Variants in ANO4 observed in about 807,000 individuals in gnomAD.
ANO4 encodes anoctamin 4, also known as anoctamin-4.
In ANO4, 69 loss-of-function variants were observed where a neutral mutation model predicts 141.9. The observed-to-expected ratio is 0.49, with a 90% CI of 0.40 to 0.59. The LOEUF (loss-of-function observed/expected upper bound fraction) is 0.59, where lower values mean the gene tolerates loss of function less well. Ranked by LOEUF, ANO4 falls within the 20% of genes least tolerant of loss-of-function variation. The pLI, the probability that ANO4 is intolerant of heterozygous loss-of-function variation, is 0.00. For synonymous variants in ANO4, 350 were observed against 394.3 expected (o/e 0.89, Z 1.33); for missense variants, 894 against 1,162.2 (o/e 0.77, Z 3.36).
At position 100,887,598 on chromosome 12, in the gene ANO4, T is replaced by C. The variant is rs149539080; in HGVS notation, c.-140-14048T>C. Among the ~76,000 whole-genome samples, 5 of 152,300 alleles carry C rather than the reference T, an allele frequency of 3.3e-5. No individual in the cohort carries two copies. The East Asian group carries it at 9.6e-4, about 29-fold the overall frequency. The stretch of plus-strand genomic sequence containing the variant: ...GAAGTGCATTAGCTGTCCTTGCCTT[T>C]GCTGCTTTAGTACTGGGGAATGCCT... On this transcript the variant is annotated intron_variant, in intron 1 of 27. Coordinates refer to ENST00000392977, the MANE Select transcript of ANO4 (RefSeq NM_001286615.2).
intron 1 of ANO4, among the ~76,000 whole-genome samples, chr12:100,853,681 A>T (rs1311158221): frequency 6.6e-6 from 1 of 152,102 alleles, no homozygotes; most frequent in Non-Finnish European, 1.5e-5. Context: ...TACTTTAGAA[A>T]TTACAGCATA....
At chr12:101,019,931 C>G (rs2046456033) in intron 8 of ANO4, 103 bp from the exon 9 acceptor site, 2 of 858,020 alleles carry the variant, frequency 2.3e-6, no homozygotes, top group Non-Finnish European at 3.9e-6. Context: ...CTGTCTATGA[C>G]TGACTGAAGA....
At chr12:100,924,148 T>C (rs2041764067) in intron 3 of ANO4, among the ~76,000 whole-genome samples, 1 of 152,174 alleles carries the variant, frequency 6.6e-6, no homozygotes. Flanking sequence ...TTTAATTAGA[T>C]CCCATTTGTC....
chr12:101,006,858 T>G (rs1360130168), intron 8 of ANO4, among the ~76,000 whole-genome samples: 1 of 152,170 alleles, frequency 6.6e-6, no homozygotes. Context: ...CAGAGAAACT[T>G]CAATTATATT....
intron 14 of ANO4, among the ~76,000 whole-genome samples, chr12:101,051,136 A>G (rs1424888571): frequency 6.6e-6 from 1 of 152,204 alleles, no homozygotes; most frequent in Non-Finnish European, 1.5e-5. Context: ...CTCCATTATA[A>G]AATGGATTGC....
intron 1 of ANO4, among the ~76,000 whole-genome samples, chr12:100,725,639 C>T (rs969963643): frequency 6.6e-6 from 1 of 152,204 alleles, no homozygotes; most frequent in Non-Finnish European, 1.5e-5. Context: ...AGCCACCACA[C>T]CCGGCCGGAA....
chr12:101,112,116 AT>A (rs2050686341), intron 24 of ANO4, among the ~76,000 whole-genome samples: 1 of 152,182 alleles, frequency 6.6e-6, no homozygotes, highest in African/African-American at 2.4e-5. Flanking sequence ...TTACAATCTG[AT>A]TTACATTGTG....
At chr12:101,081,405 T>A (rs2049272143) in intron 15 of ANO4, among the ~76,000 whole-genome samples, 1 of 152,168 alleles carries the variant, frequency 6.6e-6, no homozygotes, top group Admixed American at 6.5e-5. Context: ...GGGGAACGTA[T>A]GTATCCCTTA....
chr12:101,127,289 C>T (rs1392567806), intron 27 of ANO4, among the ~76,000 whole-genome samples: 2 of 152,332 alleles, frequency 1.3e-5, no homozygotes, highest in South Asian at 2.1e-4. Context: ...ACTTCTCTGC[C>T]TTCTTGCCAG....
intron 1 of ANO4, among the ~76,000 whole-genome samples, chr12:100,827,653 GATATAA>G (rs1215746469): frequency 6.6e-6 from 1 of 151,730 alleles, no homozygotes; most frequent in Non-Finnish European, 1.5e-5. Flanking sequence ...AATATTTGAT[GATATAA>G]ATATATATAT....
intron 9 of ANO4, among the ~76,000 whole-genome samples, chr12:101,030,947 C>A (rs777564002): frequency 2.0e-5 from 3 of 152,140 alleles, no homozygotes; most frequent in Admixed American, 6.5e-5. Flanking sequence ...TAATTAGTAG[C>A]CTACCCACCA....
At chr12:101,060,057 C>T (rs1350866810) in intron 14 of ANO4, among the ~76,000 whole-genome samples, 2 of 152,210 alleles carry the variant, frequency 1.3e-5, no homozygotes, top group Non-Finnish European at 2.9e-5. Flanking sequence ...TCCGCAGTTT[C>T]CCAGAGATTC....
At chr12:100,718,646 T>C (rs1216014708) in intron 1 of ANO4, among the ~76,000 whole-genome samples, 4 of 152,208 alleles carry the variant, frequency 2.6e-5, no homozygotes, top group Non-Finnish European at 5.9e-5. Context: ...GGGTTTGCAA[T>C]TGATGCCTGG....
At chr12:100,752,216 C>G (rs1224058557) in intron 3 of ANO4, among the ~76,000 whole-genome samples, 1 of 152,108 alleles carries the variant, frequency 6.6e-6, no homozygotes, top group African/African-American at 2.4e-5. Flanking sequence ...GGCTTCGATG[C>G]TGAGGTTTAG....
At chr12:100,896,118 G>A (rs745909063) in intron 1 of ANO4, among the ~76,000 whole-genome samples, 1 of 152,122 alleles carries the variant, frequency 6.6e-6, no homozygotes, top group Non-Finnish European at 1.5e-5. Flanking sequence ...GCCCACTGTG[G>A]TGGGCTGATA....
chr12:100,940,211 G>C (rs1377397955), intron 4 of ANO4, among the ~76,000 whole-genome samples: 2 of 131,844 alleles, frequency 1.5e-5, no homozygotes, highest in Non-Finnish European at 3.3e-5. Flanking sequence ...TTTTTTTTCT[G>C]TTTGTTTCAT....
intron 1 of ANO4, among the ~76,000 whole-genome samples, chr12:100,813,783 C>G (rs1056324360): frequency 6.6e-6 from 1 of 152,072 alleles, no homozygotes; most frequent in Non-Finnish European, 1.5e-5. Flanking sequence ...GTTTTAAAAC[C>G]TCAATGTTTA....
chr12:100,861,683 A>G (rs73159511), intron 1 of ANO4, among the ~76,000 whole-genome samples: 1 of 152,198 alleles, frequency 6.6e-6, no homozygotes, highest in Non-Finnish European at 1.5e-5. Context: ...TCACTGTTAA[A>G]TTAACCTTAG....
At chr12:100,884,893 C>T (rs1271744087) in intron 1 of ANO4, among the ~76,000 whole-genome samples, 1 of 152,170 alleles carries the variant, frequency 6.6e-6, no homozygotes, top group African/African-American at 2.4e-5. Context: ...TGGGGTTTCA[C>T]CATGTTGTCC....
Sources: gnomAD v4.1 joint callset for allele counts (sites outside exome capture counted in the v4.1 genomes callset) on GRCh38, gnomAD v4.1.1 for gene constraint, MANE v1.5 for transcripts, NCBI Gene and HGNC (gene_info 2026-07-23, HGNC 2026-07-21) for gene names.